Variants in KIF1B observed in about 807,000 individuals in gnomAD.
The protein encoded by KIF1B is kinesin-like protein KIF1B.
Under a neutral mutation model 241.9 loss-of-function variants are expected in KIF1B, and 76 were observed. The observed-to-expected ratio is 0.31, with a 90% CI of 0.26 to 0.38. The LOEUF (loss-of-function observed/expected upper bound fraction) is 0.38. KIF1B is among the 10% of genes least tolerant of loss of function. The probability of loss-of-function intolerance (pLI) is 1.00; values close to 1 mark genes in which losing one functional copy is unlikely to be tolerated. For synonymous variants in KIF1B, 750 were observed against 796.7 expected (o/e 0.94, Z 0.99); for missense variants, 1,622 against 2,271.4 (o/e 0.71, Z 5.81).
At chr1:10,316,746 C>T (rs1321534922) in intron 22 of KIF1B, among the ~76,000 whole-genome samples, 1 of 151,638 alleles carries the variant, frequency 6.6e-6, no homozygotes, top group African/African-American at 2.4e-5. Flanking sequence ...AAGCAGTTTG[C>T]CTGCCTCAGC....
In KIF1B at chr1:10,303,736, A is replaced by G; in HGVS notation, c.2115+6490A>G. On this transcript the variant is annotated intron_variant, in intron 22 of 48. Coordinates refer to ENST00000676179, the MANE Select transcript of KIF1B (RefSeq NM_001365951.3). This position sits in a 1 kb window ranked among gnomAD's most constrained non-coding sequence, Gnocchi z 5.2. Reference sequence around the variant, plus strand: ...GGAGATAAAAGTCTTAAGAAATAAAATGCTCAAAATGGAAAAAGTCTTGCC... The same window carrying G: ...GGAGATAAAAGTCTTAAGAAATAAAGTGCTCAAAATGGAAAAAGTCTTGCC... The G allele has an allele frequency of 6.2e-7, 1 of 1,614,226 alleles. No individual in the cohort carries two copies. Among genetic ancestry groups the G allele is most frequent in the Middle Eastern group, 1.6e-4 (1 of 6,062 alleles).
chr1:10,234,885 CTTTTT>C (rs1273174958), intron 2 of KIF1B, among the ~76,000 whole-genome samples: 3 of 150,878 alleles, frequency 2.0e-5, no homozygotes, highest in African/African-American at 7.3e-5. Flanking sequence ...AATTTCTTTT[CTTTTT>C]CTTTTTTTTT....
chr1:10,244,319 T>G (rs528178914), intron 2 of KIF1B, among the ~76,000 whole-genome samples: 2 of 148,636 alleles, frequency 1.3e-5, no homozygotes, highest in Non-Finnish European at 3.0e-5. Flanking sequence ...TCTTTTCTTT[T>G]TTTTTTTTTT....
intron 2 of KIF1B, among the ~76,000 whole-genome samples, chr1:10,247,158 A>G (rs945016718): frequency 6.6e-6 from 1 of 151,266 alleles, no homozygotes; most frequent in African/African-American, 2.5e-5. Context: ...AACCACTGCG[A>G]CCAGTCCTTA....
At chr1:10,251,595 G>A (rs1647450103) in intron 2 of KIF1B, among the ~76,000 whole-genome samples, 1 of 151,958 alleles carries the variant, frequency 6.6e-6, no homozygotes, top group South Asian at 2.1e-4. Context: ...TTAGCCAGGT[G>A]TGGTGATGCA....
chr1:10,212,894 A>ATATATATATATATATGTG (rs1646713156), intron 1 of KIF1B, among the ~76,000 whole-genome samples: 1 of 25,270 alleles, frequency 4.0e-5, no homozygotes, highest in Non-Finnish European at 6.7e-5. Context: ...GTGTGTGTAT[A>ATATATATATATATATGTG]TATATATATA....
At chr1:10,216,118 G>A (rs1646764538) in intron 1 of KIF1B, among the ~76,000 whole-genome samples, 1 of 152,142 alleles carries the variant, frequency 6.6e-6, no homozygotes, top group African/African-American at 2.4e-5. Context: ...AACAGGCCAA[G>A]TGACTTCCCC....
intron 22 of KIF1B, among the ~76,000 whole-genome samples, chr1:10,318,266 A>G (rs1164717060): frequency 2.6e-5 from 4 of 151,440 alleles, no homozygotes; most frequent in Non-Finnish European, 4.4e-5. Context: ...ATTGCTTGGG[A>G]GCTCCTTTTG....
Position 10,282,475 on chromosome 1 carries a change from G to T in KIF1B, c.1376G>T (p.Ser459Ile). 1.2e-6 allele frequency: 2 copies of T among 1,614,120 alleles called. No homozygotes were observed. Among genetic ancestry groups the T allele is most frequent in the Non-Finnish European group, 8.5e-7 (1 of 1,180,024 alleles). Residue 459 changes from serine (S) to isoleucine (I), a missense_variant, in exon 15 of 49, where the codon AGT (serine) becomes ATT (isoleucine). Physicochemically the swap from Ser to Ile is moderately radical, Grantham distance 142. Coordinates refer to ENST00000676179, the MANE Select transcript of KIF1B (RefSeq NM_001365951.3). ...SSQVGLTSVT[S>I]IQERIMSTPG... ...CAGGTGGGCTTGACGTCTGTGACCA[G>T]TATTCAAGAGAGGATCATGTCTACA...
At chr1:10,264,702 C>A (rs956343098) in intron 5 of KIF1B, among the ~76,000 whole-genome samples, 1 of 152,056 alleles carries the variant, frequency 6.6e-6, no homozygotes, top group Non-Finnish European at 1.5e-5. Flanking sequence ...CACTCTGTCA[C>A]CCAGGCTGGA....
At chr1:10,329,370 C>T (rs1211118407) in intron 27 of KIF1B, among the ~76,000 whole-genome samples, 1 of 152,100 alleles carries the variant, frequency 6.6e-6, no homozygotes, top group Admixed American at 6.5e-5. Flanking sequence ...AACTACTTTC[C>T]TGTTTTTGTG....
chr1:10,334,706 C>G (rs115067562), intron 28 of KIF1B, 68 bp downstream of exon 28: 16 of 1,206,960 alleles, frequency 1.3e-5, no homozygotes, highest in South Asian at 8.5e-5. Flanking sequence ...GCTGATTCTG[C>G]GTGGGTCACG....
At chr1:10,242,708 G>C (rs1215425380) in intron 2 of KIF1B, among the ~76,000 whole-genome samples, 1 of 152,006 alleles carries the variant, frequency 6.6e-6, no homozygotes, top group African/African-American at 2.4e-5. Flanking sequence ...GTAGTGACAG[G>C]GTTTCACCAT....
chr1:10,220,629 A>G (rs1379278085), intron 1 of KIF1B, among the ~76,000 whole-genome samples: 3 of 152,014 alleles, frequency 2.0e-5, no homozygotes, highest in Admixed American at 2.0e-4. Flanking sequence ...ACTCACTCCA[A>G]CCTGGGCGGT....
At chr1:10,325,158 AATTG>A (rs1484144623) in intron 26 of KIF1B, among the ~76,000 whole-genome samples, 4 of 152,208 alleles carry the variant, frequency 2.6e-5, no homozygotes. Flanking sequence ...AGTGTTCTGT[AATTG>A]ATTAAGATAA....
Position 10,374,946 on chromosome 1 carries a change from T to C in KIF1B, c.5189T>C (p.Val1730Ala), listed in dbSNP as rs777611261. The change falls in exon 47 of 49, where the codon GTC becomes GCC. Residue 1730 changes from valine (V) to alanine (A), a missense_variant. This residue lies in a region of KIF1B where 357 missense variants were observed against 409.0 expected (regional missense o/e 0.87). Coordinates refer to ENST00000676179, the MANE Select transcript of KIF1B (RefSeq NM_001365951.3). This position sits in a 1 kb window ranked among gnomAD's most constrained non-coding sequence, Gnocchi z 4.3. ...TTTGTTGTCGTCCGTCGGCCTTATGTCTTCATCTATAACAGTGACAAAGAC... is the reference window on the plus strand; with the variant it reads ...TTTGTTGTCGTCCGTCGGCCTTATGCCTTCATCTATAACAGTGACAAAGAC... ...KHFVVVRRPYVFIYNSDKDPV... is the reference protein window; with the variant it reads ...KHFVVVRRPYAFIYNSDKDPV... 3 of 1,614,032 alleles carry C rather than the reference T, an allele frequency of 1.9e-6. No homozygotes were observed. In the African/African-American group the frequency reaches 4.0e-5, roughly 22 times the overall value.
intron 27 of KIF1B, among the ~76,000 whole-genome samples, chr1:10,331,214 A>T (rs1480833622): frequency 6.6e-6 from 1 of 152,204 alleles, no homozygotes; most frequent in Non-Finnish European, 1.5e-5. Flanking sequence ...GGGCAAGTCT[A>T]GCTGGGGTGC....
chr1:10,369,332 T>A (rs1638660097), intron 44 of KIF1B, among the ~76,000 whole-genome samples: 1 of 152,226 alleles, frequency 6.6e-6, no homozygotes, highest in African/African-American at 2.4e-5. Flanking sequence ...GTAATACCAC[T>A]TATATTAATT....
intron 2 of KIF1B, among the ~76,000 whole-genome samples, chr1:10,234,655 G>A (rs906282237): frequency 6.6e-6 from 1 of 151,746 alleles, no homozygotes; most frequent in Non-Finnish European, 1.5e-5. Context: ...CCAAGTAGCC[G>A]GGGCTACAGG....
Sources: allele counts gnomAD v4.1 joint callset (sites outside exome capture counted in the v4.1 genomes callset), GRCh38; gene constraint gnomAD v4.1.1; regional missense constraint gnomAD v4.1.1; non-coding constraint Gnocchi (gnomAD v3.1); transcripts MANE v1.5; gene names NCBI Gene and HGNC (gene_info 2026-07-23, HGNC 2026-07-21).